Variants in ZDHHC14 observed in about 807,000 individuals in gnomAD.
ZDHHC14 encodes the protein zDHHC palmitoyltransferase 14.
In ZDHHC14, 16 loss-of-function variants were observed where a neutral mutation model predicts 47.7. That is an observed-to-expected ratio of 0.34 (90% CI 0.23 to 0.51). The LOEUF is 0.51. ZDHHC14 is among the 20% of genes least tolerant of loss of function. The pLI, the probability that ZDHHC14 is intolerant of heterozygous loss-of-function variation, is 0.97. For synonymous variants in ZDHHC14, 293 were observed against 278.9 expected (o/e 1.05, Z -0.50); for missense variants, 515 against 662.5 (o/e 0.78, Z 2.44).
intron 3 of ZDHHC14, among the ~76,000 whole-genome samples, chr6:157,608,883 G>A (rs1381262437): frequency 6.6e-6 from 1 of 152,190 alleles, no homozygotes; most frequent in African/African-American, 2.4e-5. Context: ...GTCCAGGCCA[G>A]GGCAGTGGCC....
chr6:157,514,215 A>C (rs1466212326), intron 1 of ZDHHC14, among the ~76,000 whole-genome samples: 1 of 152,172 alleles, frequency 6.6e-6, no homozygotes, highest in East Asian at 1.9e-4. Context: ...AGGGCTCTCA[A>C]TTTTTTGGGG....
Position 157,625,151 on chromosome 6 carries a change from T to C in ZDHHC14, c.566-3198T>C, listed in dbSNP as rs533888313. Among the ~76,000 whole-genome samples, 5 of 152,174 alleles carry C rather than the reference T, an allele frequency of 3.3e-5. No homozygotes were observed. In the South Asian group the frequency reaches 6.2e-4, roughly 19 times the overall value. ...ACACTGTTGCACTGGGGACTAAGTT[T>C]CCAACACACGAACTTCGGGGGACAC... On this transcript the variant is annotated intron_variant, in intron 3 of 8. Transcript: ENST00000359775.
intron 1 of ZDHHC14, among the ~76,000 whole-genome samples, chr6:157,522,790 TTCCTCCCTCCC>T (rs1780978013): frequency 4.7e-5 from 1 of 21,268 alleles, no homozygotes; most frequent in Non-Finnish European, 7.6e-5. Context: ...TCTCTTTCCA[TTCCTCCCTCCC>T]TCCCTCCCTC....
chr6:157,672,629 A>AAC, intron 8 of ZDHHC14, 95 bp from the exon 9 acceptor site: 84 of 79,514 alleles, frequency 1.1e-3, no homozygotes, highest in South Asian at 4.8e-3. Context: ...CTCGCACCCC[A>AAC]CCCTCCCCGC....
chr6:157,476,303 A>C (rs241577), intron 1 of ZDHHC14, among the ~76,000 whole-genome samples: 117,191 of 152,044 alleles, frequency 0.77, 45,546 homozygotes, highest in East Asian at 0.92. Context: ...AATTGGATAA[A>C]CTAGAAGATA....
intron 1 of ZDHHC14, among the ~76,000 whole-genome samples, chr6:157,491,925 C>T (rs1779927453): frequency 6.6e-6 from 1 of 152,224 alleles, no homozygotes; most frequent in Non-Finnish European, 1.5e-5. Flanking sequence ...GCGGATTTGC[C>T]ATTTTCAGAA....
At chr6:157,601,084 G>A (rs769632833) in intron 3 of ZDHHC14, among the ~76,000 whole-genome samples, 12 of 152,182 alleles carry the variant, frequency 7.9e-5, no homozygotes, top group Admixed American at 5.9e-4. Context: ...CGCAGCGCAC[G>A]GGGCTCCTGA....
At chr6:157,575,655 C>G (rs766593114) in intron 2 of ZDHHC14, among the ~76,000 whole-genome samples, 1 of 152,266 alleles carries the variant, frequency 6.6e-6, no homozygotes, top group Non-Finnish European at 1.5e-5. Flanking sequence ...TATCAGCCTC[C>G]AGATCCTGGC....
intron 2 of ZDHHC14, 23 bp downstream of exon 2, chr6:157,542,768 G>A: frequency 6.2e-7 from 1 of 1,611,370 alleles, no homozygotes; most frequent in South Asian, 1.1e-5. Context: ...GTCTGCCCAT[G>A]GCCTCTGGTC....
chr6:157,597,366 T>C (rs184577312), intron 3 of ZDHHC14, among the ~76,000 whole-genome samples: 20 of 152,334 alleles, frequency 1.3e-4, no homozygotes, highest in Admixed American at 7.8e-4. Context: ...CTATGAGGGA[T>C]GTCTGTCGTT....
intron 3 of ZDHHC14, among the ~76,000 whole-genome samples, chr6:157,603,287 G>A (rs564607381): frequency 6.6e-6 from 1 of 152,362 alleles, no homozygotes; most frequent in South Asian, 2.1e-4. Context: ...CCCTTAACGA[G>A]TTTTCCACGT....
rs1385113211 is a variant in ZDHHC14 at position 157,676,538 on chromosome 6, G to A, written c.*3416G>A. 1 of 152,296 alleles carries A rather than the reference G, an allele frequency of 6.6e-6. No homozygotes were observed. Among genetic ancestry groups the A allele is most frequent in the African/African-American group, 2.4e-5 (1 of 41,454 alleles). 9.4% of individuals were successfully genotyped at this position (152,296 alleles called of 1,614,324 possible). ...GGAGACCTGATGGGCCAGGCCTTCT[G>A]TGGCTTTGAAAACCCCTAAGCTCTT... On this transcript the variant is annotated 3_prime_UTR_variant, in exon 9 of 9. Transcript: ENST00000359775.
chr6:157,401,033 A>G (rs1314445100), intron 1 of ZDHHC14, among the ~76,000 whole-genome samples: 5 of 152,202 alleles, frequency 3.3e-5, no homozygotes, highest in South Asian at 4.1e-4. Context: ...TGAGTGGAGG[A>G]GACAGCCAAA....
At chr6:157,538,351 A>C (rs1781618083) in intron 1 of ZDHHC14, among the ~76,000 whole-genome samples, 1 of 152,214 alleles carries the variant, frequency 6.6e-6, no homozygotes, top group Non-Finnish European at 1.5e-5. Flanking sequence ...GGGCCTTAGC[A>C]TCTGTCTGAA....
chr6:157,578,912 G>A (rs1200180680), intron 2 of ZDHHC14, among the ~76,000 whole-genome samples: 1 of 152,132 alleles, frequency 6.6e-6, no homozygotes, highest in Non-Finnish European at 1.5e-5. Flanking sequence ...AGCAGTGTGA[G>A]AATGGACTAA....
intron 1 of ZDHHC14, among the ~76,000 whole-genome samples, chr6:157,460,085 T>C (rs1173044050): frequency 7.0e-6 from 1 of 142,918 alleles, no homozygotes; most frequent in African/African-American, 2.6e-5. Context: ...AATAGCCAGG[T>C]CTAGCTACTT....
chr6:157,451,303 A>G (rs753509935), intron 1 of ZDHHC14, among the ~76,000 whole-genome samples: 2 of 152,188 alleles, frequency 1.3e-5, no homozygotes, highest in Non-Finnish European at 2.9e-5. Flanking sequence ...AACCTTGTCC[A>G]TTTTTTGTGT....
At chr6:157,410,931 G>A (rs530845263) in intron 1 of ZDHHC14, among the ~76,000 whole-genome samples, 16 of 152,230 alleles carry the variant, frequency 1.1e-4, no homozygotes, top group African/African-American at 2.2e-4. Flanking sequence ...TTCTGACCTC[G>A]TGATCTGCCC....
At chr6:157,468,654 T>A (rs1742239269) in intron 1 of ZDHHC14, among the ~76,000 whole-genome samples, 1 of 152,208 alleles carries the variant, frequency 6.6e-6, no homozygotes, top group Admixed American at 6.5e-5. Flanking sequence ...GCCCTGCTCT[T>A]TTGTGAAGTC....
Sources: allele counts gnomAD v4.1 joint callset (sites outside exome capture counted in the v4.1 genomes callset), GRCh38; gene constraint gnomAD v4.1.1; transcripts MANE v1.5; gene names NCBI Gene and HGNC (gene_info 2026-07-23, HGNC 2026-07-21).